The following RICTOR variants were observed in gnomAD, a reference collection of about 807,000 sequenced individuals.
RICTOR encodes the protein RPTOR independent companion of MTOR complex 2, also known as rapamycin-insensitive companion of mTOR.
RICTOR carries 49 observed loss-of-function variants against 214.9 expected under a neutral mutation model. The ratio of observed to expected loss-of-function variants is 0.23; its 90% CI spans 0.18 to 0.29. The LOEUF is 0.29. Ranked by LOEUF, RICTOR falls within the 10% of genes least tolerant of loss-of-function variation. The pLI is 1.00. For synonymous variants in RICTOR, 717 were observed against 711.3 expected, an observed-to-expected ratio of 1.01 and a Z score of -0.13; for missense variants, 1,625 against 2,047.0, an observed-to-expected ratio of 0.79 and a Z score of 3.98.
chr5:38,967,912 T>C (rs780185109), intron 12 of RICTOR, 31 bp downstream of exon 12: 8 of 1,113,178 alleles, frequency 7.2e-6, no homozygotes, highest in South Asian at 2.7e-5. Context: ...TTACAATATA[T>C]GAAAAGATAC....
chr5:38,969,730 G>A (rs561230578), intron 11 of RICTOR: 5 of 148,052 alleles, frequency 3.4e-5, no homozygotes, highest in Admixed American at 6.8e-5. Context: ...GTGCAGTGGC[G>A]TGATCTCGGC....
chr5:38,947,205 C>T (rs551984304), intron 32 of RICTOR, 59 bp downstream of exon 32: 122 of 1,239,806 alleles, frequency 9.8e-5, no homozygotes, highest in Admixed American at 1.5e-4. Flanking sequence ...TAAGCAGTTA[C>T]AGCATATGAA....
chr5:38,999,051 AC>A lies in RICTOR; in HGVS notation c.393-2170del, dbSNP rs1338569889. On this transcript the variant is annotated intron_variant, in intron 5 of 37. Coordinates refer to ENST00000357387, the MANE Select transcript of RICTOR (RefSeq NM_152756.5). ...GCAAAAAAAAAAAAAAAAAAAAAAAACAAACCTAAAATAAATAATAAAATCA... is the reference window on the plus strand; with the variant it reads ...GCAAAAAAAAAAAAAAAAAAAAAAAAAAACCTAAAATAAATAATAAAATCA... Among the ~76,000 whole-genome samples the A allele has an allele frequency of 4.6e-4, 68 of 147,536 alleles. No homozygotes were observed. In the East Asian group the frequency reaches 6.2e-3, roughly 13 times the overall value.
In RICTOR at chr5:38,959,942, T is replaced by C; in HGVS notation, c.1888A>G (p.Ile630Val). 2 of 1,612,528 alleles carry C rather than the reference T, an allele frequency of 1.2e-6. No individual in the cohort carries two copies. The highest frequency in any genetic ancestry group is 1.7e-6 in the Non-Finnish European group (2 of 1,178,764). ...GATGAAGCATTGAGCCACTGAACAATATCCTTTACTAGATCTTCTAAGTAG... is the reference window on the plus strand; with the variant it reads ...GATGAAGCATTGAGCCACTGAACAACATCCTTTACTAGATCTTCTAAGTAG... ...QGYLEDLVKD[I>V]VQWLNASSGM... The change falls in exon 21 of 38, where the codon ATT becomes GTT. Residue 630 changes from isoleucine (I) to valine (V), a missense_variant. Coordinates refer to ENST00000357387, the MANE Select transcript of RICTOR (RefSeq NM_152756.5).
chr5:38,961,612 G>A (rs913651440), intron 19 of RICTOR, among the ~76,000 whole-genome samples: 1 of 152,080 alleles, frequency 6.6e-6, no homozygotes, highest in African/African-American at 2.4e-5. Context: ...CATCATCTGT[G>A]TTCTCAAGGA....
chr5:39,031,948 C>T (rs1756306923), intron 2 of RICTOR, among the ~76,000 whole-genome samples: 1 of 152,134 alleles, frequency 6.6e-6, no homozygotes, highest in African/African-American at 2.4e-5. Context: ...TCACCTTTAT[C>T]CACAGGTACA....
intron 29 of RICTOR, 139 bp downstream of exon 29, chr5:38,952,846 A>G: frequency 1.8e-6 from 1 of 570,064 alleles, no homozygotes; most frequent in Non-Finnish European, 3.1e-6. Flanking sequence ...AACTTAATAC[A>G]GTTAATAATC....
chr5:39,074,284 T>C, intron 1 of RICTOR, 45 bp downstream of exon 1: 8 of 1,563,846 alleles, frequency 5.1e-6, no homozygotes, highest in Non-Finnish European at 6.1e-6. Context: ...GTGCCAGGGG[T>C]GGCGGGCGCC....
At chr5:39,012,302 C>T (rs557909482) in intron 3 of RICTOR, among the ~76,000 whole-genome samples, 28 of 152,210 alleles carry the variant, frequency 1.8e-4, no homozygotes, top group East Asian at 9.7e-4. Flanking sequence ...TCTCTCCTGC[C>T]GCCATGTGAA....
chr5:38,963,178 T>G (rs1457454487), intron 16 of RICTOR, 137 bp from the exon 17 acceptor site: 1 of 591,446 alleles, frequency 1.7e-6, no homozygotes, highest in Non-Finnish European at 2.8e-6. Context: ...TCATCAAATT[T>G]GGAGAGACAA....
intron 3 of RICTOR, among the ~76,000 whole-genome samples, chr5:39,011,681 G>A (rs1457761025): frequency 2.6e-5 from 4 of 152,192 alleles, no homozygotes; most frequent in African/African-American, 7.2e-5. Context: ...TGGAGTCAAG[G>A]GAGATCATTT....
chr5:39,011,170 C>T (rs545756324), intron 3 of RICTOR, among the ~76,000 whole-genome samples: 3 of 152,204 alleles, frequency 2.0e-5, no homozygotes, highest in South Asian at 2.1e-4. Flanking sequence ...GTATCCCAGC[C>T]GTGGCTAAAA....
chr5:38,991,445 A>G (rs1180131107), intron 6 of RICTOR, among the ~76,000 whole-genome samples: 3 of 152,106 alleles, frequency 2.0e-5, no homozygotes, highest in African/African-American at 7.2e-5. Context: ...CTGTACTTTT[A>G]CGATCCTGAC....
chr5:39,034,834 G>C (rs930144006), intron 2 of RICTOR, among the ~76,000 whole-genome samples: 4 of 152,234 alleles, frequency 2.6e-5, no homozygotes, highest in African/African-American at 9.6e-5. Context: ...GAACTGGGTG[G>C]AGCCCACCGC....
At chr5:38,984,407 T>C (rs1440949822) in intron 7 of RICTOR, among the ~76,000 whole-genome samples, 1 of 152,200 alleles carries the variant, frequency 6.6e-6, no homozygotes, top group African/African-American at 2.4e-5. Context: ...GGATTTTTTT[T>C]CTTCTTTTGG....
intron 16 of RICTOR, among the ~76,000 whole-genome samples, chr5:38,964,287 T>C (rs1561466702): frequency 6.6e-6 from 1 of 151,888 alleles, no homozygotes; most frequent in African/African-American, 2.4e-5. Context: ...AGAGCTACAA[T>C]TGTATTACCA....
At chr5:38,943,263 G>A (rs1341424943) in intron 36 of RICTOR, 14 of 234,900 alleles carry the variant, frequency 6.0e-5, no homozygotes, top group Non-Finnish European at 1.1e-4. Flanking sequence ...TATCAGCCTA[G>A]GATGATTAAA....
intron 2 of RICTOR, among the ~76,000 whole-genome samples, chr5:39,034,542 G>C (rs1383301716): frequency 1.3e-5 from 2 of 152,236 alleles, no homozygotes; most frequent in Non-Finnish European, 2.9e-5. Context: ...GAAGTGCAAG[G>C]GGTCAGGGAA....
At chr5:39,057,828 G>A (rs1327442041) in intron 2 of RICTOR, among the ~76,000 whole-genome samples, 1 of 151,998 alleles carries the variant, frequency 6.6e-6, no homozygotes, top group Admixed American at 6.5e-5. Flanking sequence ...TCCAAAGAGT[G>A]TATGTATAAA....
Sources: gnomAD v4.1 joint callset for allele counts (sites outside exome capture counted in the v4.1 genomes callset) on GRCh38, gnomAD v4.1.1 for gene constraint, MANE v1.5 for transcripts, NCBI Gene and HGNC (gene_info 2026-07-23, HGNC 2026-07-21) for gene names.